The following ANK2 variants were observed in gnomAD, a reference collection of about 807,000 sequenced individuals.
ANK2 encodes the protein ankyrin 2.
ANK2 carries 83 observed loss-of-function variants against 360.5 expected under a neutral mutation model. The ratio of observed to expected loss-of-function variants is 0.23; its 90% CI spans 0.19 to 0.28. The LOEUF is 0.28. Among genes scored for constraint, ANK2 ranks in the 10% least tolerant of loss-of-function variants. The pLI is 1.00. For missense variants in ANK2, 4,201 were observed against 4,795.7 expected (o/e 0.88, Z 3.66); for synonymous variants, 1,740 against 1,759.5 (o/e 0.99, Z 0.28).
At chr4:112,963,377 A>G (rs1193879834) in intron 2 of ANK2, among the ~76,000 whole-genome samples, 1 of 152,156 alleles carries the variant, frequency 6.6e-6, no homozygotes, top group East Asian at 1.9e-4. Context: ...ATTGCCTACC[A>G]ACCTCTAATA....
chr4:113,011,787 C>G (rs907425043), intron 2 of ANK2, among the ~76,000 whole-genome samples: 2 of 151,908 alleles, frequency 1.3e-5, no homozygotes, highest in Non-Finnish European at 2.9e-5. Flanking sequence ...GCCTTTAGCT[C>G]AAAATAATTC....
intron 1 of ANK2, among the ~76,000 whole-genome samples, chr4:113,064,805 C>A (rs1198377682): frequency 2.6e-3 from 212 of 81,044 alleles, no homozygotes; most frequent in Middle Eastern, 7.6e-3. Flanking sequence ...TTCTGTAGAA[C>A]TTCTAACAAA....
intron 1 of ANK2, among the ~76,000 whole-genome samples, chr4:112,888,688 G>C (rs1251920669): frequency 6.6e-6 from 1 of 152,094 alleles, no homozygotes; most frequent in Non-Finnish European, 1.5e-5. Context: ...TCCAGCCTTT[G>C]TTTCACCAGA....
intron 18 of ANK2, among the ~76,000 whole-genome samples, chr4:113,285,196 CT>C (rs1186978803): frequency 6.6e-6 from 1 of 151,370 alleles, no homozygotes; most frequent in Admixed American, 6.6e-5. Flanking sequence ...ATTCTCACAC[CT>C]ACCACACAAC....
chr4:113,335,960 G>A lies in ANK2; in HGVS notation c.3494G>A (p.Gly1165Asp). 1 of 1,614,162 alleles carries A rather than the reference G, an allele frequency of 6.2e-7. No homozygotes were observed. Among genetic ancestry groups the A allele is most frequent in the Non-Finnish European group, 8.5e-7 (1 of 1,180,028 alleles). The change falls in exon 30 of 46, where the codon GGC (glycine) becomes GAC (aspartate). Residue 1165 changes from glycine (G) to aspartate (D), a missense_variant. Coordinates refer to ENST00000357077, the MANE Select transcript of ANK2 (RefSeq NM_001148.6). ...ATCAAACAGGACAGCAATCTGATTG[G>A]CCCAGAAGGAGGTGTACTGAGCAGC... is the stretch of plus-strand genomic sequence containing the variant. The part of the protein sequence containing the change: ...SRIKQDSNLI[G>D]PEGGVLSSTV...
In ANK2 at chr4:113,353,787, A is replaced by G; in HGVS notation, c.5169A>G (p.Ala1723=). The G allele has an allele frequency of 6.2e-7, 1 of 1,614,020 alleles. No homozygotes were observed. Among genetic ancestry groups the G allele is most frequent in the Non-Finnish European group, 8.5e-7 (1 of 1,179,990 alleles). The part of the protein sequence containing the change: ...KQKEEGLQAS[A]EKAELKKGSS... ...AAGAGGAAGGTTTACAAGCTAGTGC[A>G]GAGAAAGCTGAACTTAAAAAAGGTA... is the stretch of plus-strand genomic sequence containing the variant. Residue 1723 remains alanine, a synonymous_variant, in exon 38 of 46, where the codon GCA becomes GCG. Transcript: ENST00000357077.
chr4:113,352,646 T>A (rs1438580934), intron 37 of ANK2, among the ~76,000 whole-genome samples: 1 of 151,892 alleles, frequency 6.6e-6, no homozygotes, highest in Non-Finnish European at 1.5e-5. Flanking sequence ...CATGGTTGGT[T>A]TTCTTTTTTT....
intron 1 of ANK2, among the ~76,000 whole-genome samples, chr4:112,903,862 C>G (rs2084294284): frequency 6.6e-6 from 1 of 152,120 alleles, no homozygotes; most frequent in Admixed American, 6.5e-5. Context: ...TTTTTCTTAC[C>G]TGTAAAGGAG....
In ANK2 at chr4:112,961,985, G is replaced by GTGC. The variant is rs552108888; in HGVS notation, c.21+57472_21+57474dup. 3.1e-4 allele frequency among the ~76,000 whole-genome samples: 47 copies of GTGC among 152,266 alleles called. No homozygotes were observed. In the East Asian group the frequency reaches 7.7e-3, roughly 25 times the overall value. The stretch of plus-strand genomic sequence containing the variant: ...TCCAAGTTTCCAAAGGATCTACAAT[G>GTGC]TGCAGCCAGAGTTAAGAATCTCTAA... On this transcript the variant is annotated intron_variant, in intron 2 of 30. Coordinates refer to the ANK2 transcript ENST00000503271.
At chr4:113,145,574 C>A in intron 1 of ANK2, 2 of 1,026,754 alleles carry the variant, frequency 1.9e-6, no homozygotes, top group Non-Finnish European at 2.3e-6. Context: ...GCCTCACCCC[C>A]CTCACTCCAT....
At chr4:113,156,386 T>TTTTTTTTTTTTTTTTTTTTTA (rs2097297451) in intron 1 of ANK2, among the ~76,000 whole-genome samples, 1 of 149,606 alleles carries the variant, frequency 6.7e-6, no homozygotes, top group African/African-American at 2.5e-5. Context: ...TTTTTTGTTT[T>TTTTTTTTTTTTTTTTTTTTTA]TGAGACAGAG....
intron 45 of ANK2, chr4:113,375,069 C>A: frequency 2.6e-6 from 1 of 380,130 alleles, no homozygotes; most frequent in Non-Finnish European, 3.7e-6. Context: ...CAGAATAATT[C>A]AAGAGGGTAG....
the ANK2 span, among the ~76,000 whole-genome samples, chr4:112,810,151 ATATATATATTTTTT>A: frequency 1.6e-3 from 42 of 26,260 alleles, no homozygotes; most frequent in African/African-American, 4.9e-3. Flanking sequence ...ATATATATAT[ATATATATATTTTTT>A]TTTTTTTTTT....
In ANK2 at chr4:113,365,174, A is replaced by G; in HGVS notation, c.11024A>G (p.His3675Arg). Residue 3675 changes from histidine (H) to arginine (R), a missense_variant, in exon 41 of 46, where the codon CAT becomes CGT. His to Arg is a conservative substitution (Grantham distance 29). Around this residue, in one of 4 missense-constraint regions of ANK2, gnomAD observed 2,642 missense variants for 2,714.5 expected, o/e 0.97. Coordinates refer to ENST00000357077, the MANE Select transcript of ANK2 (RefSeq NM_001148.6). ...ATTGAACAGACCATTACACTGGATC[A>G]TAGTGAAGGTCAAACTGTGTGTGTG... ...AEIEQTITLD[H>R]SEGFSVLQEE... 6.2e-7 allele frequency: 1 copy of G among 1,611,388 alleles called. No individual in the cohort carries two copies.
At chr4:112,926,930 C>T (rs554842381) in intron 2 of ANK2, among the ~76,000 whole-genome samples, 21 of 152,266 alleles carry the variant, frequency 1.4e-4, no homozygotes, top group Non-Finnish European at 2.8e-4. Context: ...ACTCACAGTT[C>T]CACAGGACTG....
intron 2 of ANK2, among the ~76,000 whole-genome samples, chr4:112,954,330 A>G (rs773339562): frequency 6.6e-6 from 1 of 151,766 alleles, no homozygotes; most frequent in Non-Finnish European, 1.5e-5. Context: ...TTAGCAGGGC[A>G]AAAAGCTCTT....
At chr4:113,033,322 A>C (rs1032712083) in intron 2 of ANK2, among the ~76,000 whole-genome samples, 1 of 152,024 alleles carries the variant, frequency 6.6e-6, no homozygotes. Flanking sequence ...TAAGTTGCCC[A>C]TGGTTATAAT....
At chr4:113,249,687 C>G in intron 9 of ANK2, 77 bp from the exon 10 acceptor site, 2 of 1,365,590 alleles carry the variant, frequency 1.5e-6, no homozygotes, top group Non-Finnish European at 2.1e-6. Flanking sequence ...TAGGAACTCC[C>G]TCTTTATGGT....
intron 2 of ANK2, among the ~76,000 whole-genome samples, chr4:113,033,480 A>C (rs2060870970): frequency 6.6e-6 from 1 of 152,032 alleles, no homozygotes; most frequent in African/African-American, 2.4e-5. Flanking sequence ...ATACCCAAAC[A>C]AAACAAAACT....
Sources: allele counts gnomAD v4.1 joint callset (sites outside exome capture counted in the v4.1 genomes callset), GRCh38; gene constraint gnomAD v4.1.1; regional missense constraint gnomAD v4.1.1; transcripts MANE v1.5; gene names NCBI Gene and HGNC (gene_info 2026-07-23, HGNC 2026-07-21).